Variants in WDR86 observed in about 807,000 individuals in gnomAD.
The protein encoded by WDR86 is WD repeat-containing protein 86.
WDR86 carries 30 observed loss-of-function variants against 36.5 expected under a neutral mutation model. That is an observed-to-expected ratio of 0.82 (90% confidence interval 0.61 to 1.11). WDR86 has a LOEUF of 1.11. WDR86 is among the 50% of genes most tolerant of loss of function. The pLI, the probability that WDR86 is intolerant of heterozygous loss-of-function variation, is 0.00. For missense variants in WDR86, 545 were observed against 561.2 expected (o/e 0.97, Z 0.29); for synonymous variants, 255 against 252.9 (o/e 1.01, Z -0.08).
chr7:151,398,700 TGTG>T (rs981139854), intron 2 of WDR86, among the ~76,000 whole-genome samples: 3 of 152,032 alleles, frequency 2.0e-5, no homozygotes, highest in East Asian at 1.9e-4. Flanking sequence ...ATATGTATGT[TGTG>T]TGTGTGCGCA....
chr7:151,375,821 G>A (rs1238536889), downstream of WDR86: 2 of 1,468,078 alleles, frequency 1.4e-6, no homozygotes, highest in Non-Finnish European at 1.9e-6. Flanking sequence ...CTTAGTGATG[G>A]GTAAAGGGTG....
rs910701993 is a variant in WDR86 at position 151,388,373 on chromosome 7, A to C, written c.727-3150T>G. Among the ~76,000 whole-genome samples, 5 of 152,212 alleles carry C rather than the reference A, an allele frequency of 3.3e-5. No homozygotes were observed. The highest frequency in any genetic ancestry group is 1.2e-4 in the African/African-American group (5 of 41,454). On this transcript the variant is annotated intron_variant, in intron 3 of 5. Coordinates refer to ENST00000334493, the MANE Select transcript of WDR86 (RefSeq NM_198285.3). This position sits in a 1 kb window ranked among gnomAD's most constrained non-coding sequence, Gnocchi z 4.2. The stretch of plus-strand genomic sequence containing the variant: ...CATGAAGGGACAGGGCAGAGACTCT[A>C]TCTCTCCTCCTTCACAAGGACCCCA...
At chr7:151,400,036 C>G (rs920373528) in intron 2 of WDR86, 64 bp downstream of exon 2, 2 of 1,431,680 alleles carry the variant, frequency 1.4e-6, no homozygotes, top group African/African-American at 1.5e-5. Flanking sequence ...ATATCTCTGA[C>G]CCCTCAGCCC....
Position 151,409,575 on chromosome 7 carries a change from C to G in WDR86, c.15G>C (p.Gly5=). The part of the protein sequence containing the change: MGGG[G]SALRVCADHR... ...GGTCGGCGCAGACCCTCAGGGCCGACCCGCCGCCCCCCATCCCGCTGGCAG... is the reference window on the plus strand; with the variant it reads ...GGTCGGCGCAGACCCTCAGGGCCGAGCCGCCGCCCCCCATCCCGCTGGCAG... The change falls in exon 1 of 6, where the codon GGG becomes GGC. Residue 5 remains glycine, a synonymous_variant. Coordinates refer to ENST00000334493, the MANE Select transcript of WDR86 (RefSeq NM_198285.3). The surrounding 1 kb of genome is among the most constrained non-coding windows in gnomAD (Gnocchi z 5.2). 1 of 1,405,462 alleles carries G rather than the reference C, an allele frequency of 7.1e-7. No homozygotes were observed. The highest frequency in any genetic ancestry group is 9.2e-7 in the Non-Finnish European group (1 of 1,082,722). 87.1% of individuals were successfully genotyped at this position (1,405,462 alleles called of 1,614,324 possible).
downstream of WDR86, chr7:151,374,429 C>A (rs538050985): frequency 2.6e-6 from 2 of 757,486 alleles, no homozygotes; most frequent in African/African-American, 1.7e-5. Flanking sequence ...CGTGAGGCCC[C>A]ATGCTCAGTG....
At position 151,381,801 on chromosome 7, in the gene WDR86, C is replaced by A. The variant is rs969389146; in HGVS notation, c.967-55G>T. The A allele has an allele frequency of 1.3e-6, 2 of 1,515,160 alleles. No individual in the cohort carries two copies. The highest frequency in any genetic ancestry group is 2.5e-5 in the South Asian group (2 of 79,268). 93.9% of individuals were successfully genotyped at this position (1,515,160 alleles called of 1,614,324 possible). On this transcript the variant is annotated intron_variant, in intron 5 of 5. Coordinates refer to ENST00000334493, the MANE Select transcript of WDR86 (RefSeq NM_198285.3). This position sits in a 1 kb window ranked among gnomAD's most constrained non-coding sequence, Gnocchi z 4.8. Reference sequence around the variant, plus strand: ...GACGCGGTAGGCGGGGGGGACACCGCTGCCCGCGTGGATGGATCGGGGCGG... The same window carrying A: ...GACGCGGTAGGCGGGGGGGACACCGATGCCCGCGTGGATGGATCGGGGCGG...
At chr7:151,403,934 C>T (rs556741244) in intron 1 of WDR86, among the ~76,000 whole-genome samples, 4 of 152,222 alleles carry the variant, frequency 2.6e-5, no homozygotes, top group South Asian at 2.1e-4. Context: ...CCTGTGGGGC[C>T]GATACCAAGC....
chr7:151,375,996 T>A, exon 2 of WDR86: 1 of 1,166,742 alleles, frequency 8.6e-7, no homozygotes, highest in South Asian at 1.2e-5. Flanking sequence ...GTGGGGTTGC[T>A]TGGGGTAACC....
downstream of WDR86, chr7:151,376,247 T>C: frequency 2.1e-6 from 1 of 468,512 alleles, no homozygotes; most frequent in Non-Finnish European, 3.9e-6. Context: ...AGGATGGCAC[T>C]GTGACCTGGG....
chr7:151,400,247 G>C lies in WDR86; in HGVS notation c.164-6C>G. ...GGTCACATAGCTTTCATGTCCTGCA[G>C]ATGAGGGACAGGGGAGATGTGAGCG... On this transcript the variant is annotated splice_region_variant and splice_polypyrimidine_tract_variant and intron_variant, in intron 1 of 5. Transcript: ENST00000334493. 1 of 1,598,858 alleles carries C rather than the reference G, an allele frequency of 6.3e-7. No homozygotes were observed. The highest frequency in any genetic ancestry group is 1.1e-5 in the South Asian group (1 of 88,030).
In WDR86 at chr7:151,400,152, G is replaced by A. The variant is rs761258769; in HGVS notation, c.253C>T (p.Leu85=). ...ADCTIRRWDV[L]TGQCLQVYRG... is the part of the protein sequence containing the mutation. ...TACACCTGCAGACACTGCCCGGTCA[G>A]CACGTCCCACCTCCTGATGGTGCAG... The change falls in exon 2 of 6, where the codon CTG becomes TTG. Residue 85 remains leucine (L), a synonymous_variant. Coordinates refer to ENST00000334493, the MANE Select transcript of WDR86 (RefSeq NM_198285.3). 25 of 1,612,260 alleles carry A rather than the reference G, an allele frequency of 1.6e-5. No individual in the cohort carries two copies. Among genetic ancestry groups the A allele is most frequent in the Non-Finnish European group, 2.0e-5 (24 of 1,179,272 alleles).
chr7:151,380,230 C>T (rs1233959056), downstream of WDR86, among the ~76,000 whole-genome samples: 1 of 152,216 alleles, frequency 6.6e-6, no homozygotes, highest in South Asian at 2.1e-4. Context: ...AGAGGAGTTA[C>T]AGCGCCTGCG....
intron 1 of WDR86, among the ~76,000 whole-genome samples, chr7:151,408,259 C>T (rs1207436073): frequency 6.8e-6 from 1 of 147,314 alleles, no homozygotes; most frequent in Non-Finnish European, 1.5e-5. Flanking sequence ...TGCAGTGGCA[C>T]GATCTTGGCT....
Position 151,390,021 on chromosome 7 carries a change from G to A in WDR86, c.727-4798C>T, listed in dbSNP as rs1799298621. ...GGCTGAATGCACAATCTCCAGCCCA[G>A]CAGAGCACTGAGGCAGAGTGAGGGC... is the stretch of plus-strand genomic sequence containing the variant. On this transcript the variant is annotated intron_variant, in intron 3 of 5. Transcript: ENST00000334493. The surrounding 1 kb of genome is among the most constrained non-coding windows in gnomAD (Gnocchi z 4.5). Among the ~76,000 whole-genome samples, 1 of 152,210 alleles carries A rather than the reference G, an allele frequency of 6.6e-6. No homozygotes were observed. The highest frequency in any genetic ancestry group is 6.5e-5 in the Admixed American group (1 of 15,288).
At chr7:151,407,894 C>T (rs1034610128) in intron 1 of WDR86, among the ~76,000 whole-genome samples, 1 of 152,140 alleles carries the variant, frequency 6.6e-6, no homozygotes, top group Non-Finnish European at 1.5e-5. Context: ...TCATGGAGGA[C>T]TGCATCACTG....
chr7:151,409,031 G>T lies in WDR86; in HGVS notation c.163+396C>A. The T allele has an allele frequency of 2.0e-6, 1 of 492,512 alleles. No individual in the cohort carries two copies. Among genetic ancestry groups the T allele is most frequent in the Non-Finnish European group, 4.1e-6 (1 of 241,680 alleles). The allele number at this position is 492,512 out of a possible 1,614,324, so 30.5% of individuals were successfully genotyped here. On this transcript the variant is annotated intron_variant, in intron 1 of 5. Coordinates refer to ENST00000334493, the MANE Select transcript of WDR86 (RefSeq NM_198285.3). The surrounding 1 kb of genome is among the most constrained non-coding windows in gnomAD (Gnocchi z 5.2). The stretch of plus-strand genomic sequence containing the variant: ...AAATGCCAGCAGAAGAGCACAATTG[G>T]CCACAAAGAGGCCACAAGGCACCTA...
chr7:151,376,232 CT>C, downstream of WDR86: 1 of 474,744 alleles, frequency 2.1e-6, no homozygotes. Flanking sequence ...TGCCTGTGAC[CT>C]AAAAGGATGG....
Position 151,409,446 on chromosome 7 carries a change from C to A in WDR86, c.144G>T (p.Gln48His). The A allele has an allele frequency of 6.5e-7, 1 of 1,547,300 alleles. No homozygotes were observed. The highest frequency in any genetic ancestry group is 8.7e-7 in the Non-Finnish European group (1 of 1,151,648). Residue 48 changes from glutamine to histidine, a missense_variant, in exon 1 of 6, where the codon CAG becomes CAT. Transcript: ENST00000334493. This position sits in a 1 kb window ranked among gnomAD's most constrained non-coding sequence, Gnocchi z 5.2. Reference protein sequence around the residue: ...TARLWSTADGQCCALLQGHES... With the variant: ...TARLWSTADGHCCALLQGHES... Reference sequence around the variant, plus strand: ...GTCTACCTTGCAGGAGCGCGCAGCACTGGCCGTCCGCGGTGCTCCAGAGCC... The same window carrying A: ...GTCTACCTTGCAGGAGCGCGCAGCAATGGCCGTCCGCGGTGCTCCAGAGCC...
rs1798604736 is a variant in WDR86 at position 151,381,840 on chromosome 7, C to G, written c.966+38G>C. On this transcript the variant is annotated intron_variant, in intron 5 of 5. Coordinates refer to ENST00000334493, the MANE Select transcript of WDR86 (RefSeq NM_198285.3). This position sits in a 1 kb window ranked among gnomAD's most constrained non-coding sequence, Gnocchi z 4.8. ...GGATCGGGGCGGGGCACCTTCCCTCCCACGGGCGGCGGCCCCGAGAAGGGC... is the reference window on the plus strand; with the variant it reads ...GGATCGGGGCGGGGCACCTTCCCTCGCACGGGCGGCGGCCCCGAGAAGGGC... 6.4e-7 allele frequency: 1 copy of G among 1,571,470 alleles called. No individual in the cohort carries two copies.
Sources: allele counts gnomAD v4.1 joint callset (sites outside exome capture counted in the v4.1 genomes callset), GRCh38; gene constraint gnomAD v4.1.1; non-coding constraint Gnocchi (gnomAD v3.1); transcripts MANE v1.5; gene names NCBI Gene and HGNC (gene_info 2026-07-23, HGNC 2026-07-21).